WIF1: variants seen among roughly 807,000 people sequenced by gnomAD.
WIF1 encodes Wnt inhibitory factor 1.
Under a neutral mutation model 53.5 loss-of-function variants are expected in WIF1, and 35 were observed. The observed-to-expected ratio is 0.65, with a 90% CI of 0.50 to 0.87. The LOEUF is 0.87. Ranked by LOEUF, WIF1 falls within the 40% of genes least tolerant of loss-of-function variation. The probability of loss-of-function intolerance (pLI) is 0.00; values close to 1 mark genes in which losing one functional copy is unlikely to be tolerated. For missense variants in WIF1, 467 were observed against 476.8 expected (o/e 0.98, Z 0.19); for synonymous variants, 171 against 170.4 (o/e 1.00, Z -0.03).
chr12:65,097,338 A>G (rs951003361), intron 2 of WIF1, among the ~76,000 whole-genome samples: 1 of 152,178 alleles, frequency 6.6e-6, no homozygotes, highest in African/African-American at 2.4e-5. Flanking sequence ...AACAATAGAG[A>G]TATCTACCTC....
chr12:65,089,746 G>A (rs1316877394), intron 2 of WIF1, among the ~76,000 whole-genome samples: 1 of 152,094 alleles, frequency 6.6e-6, no homozygotes, highest in Non-Finnish European at 1.5e-5. Flanking sequence ...TCCAAGCTTG[G>A]ATGAAATGTC....
chr12:65,109,398 T>C (rs1369110334), intron 2 of WIF1, among the ~76,000 whole-genome samples: 6 of 152,228 alleles, frequency 3.9e-5, no homozygotes, highest in Non-Finnish European at 5.9e-5. Flanking sequence ...GTGCCCCCTC[T>C]GGACAGAGGC....
intron 1 of WIF1, 67 bp downstream of exon 1, chr12:65,120,977 C>A: frequency 7.4e-7 from 1 of 1,358,532 alleles, no homozygotes; most frequent in Non-Finnish European, 9.5e-7. Context: ...CGCAGGTATC[C>A]CTCTTTCTTG....
At chr12:65,077,515 T>G (rs1314527183) in intron 3 of WIF1, among the ~76,000 whole-genome samples, 1 of 152,176 alleles carries the variant, frequency 6.6e-6, no homozygotes, top group Non-Finnish European at 1.5e-5. Context: ...ATGAACTTAG[T>G]GTGGGCTGGG....
chr12:65,055,913 A>G (rs967602920), intron 8 of WIF1, 118 bp downstream of exon 8: 3 of 825,548 alleles, frequency 3.6e-6, no homozygotes, highest in Non-Finnish European at 5.6e-6. Flanking sequence ...ATGTCAGTGA[A>G]GAAAGGTTAA....
At chr12:65,068,551 A>G (rs532605505) in intron 4 of WIF1, among the ~76,000 whole-genome samples, 13 of 152,168 alleles carry the variant, frequency 8.5e-5, no homozygotes, top group Non-Finnish European at 1.9e-4. Flanking sequence ...AAGTGGGGTC[A>G]AGGTCAGAGG....
chr12:65,117,638 C>T (rs542682649), intron 2 of WIF1, among the ~76,000 whole-genome samples: 37 of 152,264 alleles, frequency 2.4e-4, no homozygotes, highest in African/African-American at 7.9e-4. Context: ...ATGAAATAAG[C>T]ATACAACTCA....
intron 2 of WIF1, among the ~76,000 whole-genome samples, chr12:65,090,236 G>A (rs1239917815): frequency 2.6e-5 from 4 of 152,146 alleles, no homozygotes; most frequent in East Asian, 1.9e-4. Context: ...CAATGGCCAC[G>A]AGGCTGGGGA....
chr12:65,100,987 A>T (rs1447644762), intron 2 of WIF1, among the ~76,000 whole-genome samples: 1 of 152,178 alleles, frequency 6.6e-6, no homozygotes, highest in Non-Finnish European at 1.5e-5. Flanking sequence ...AAAAGGACAC[A>T]AATCTTCTTA....
chr12:65,075,194 G>A (rs1006475760), intron 3 of WIF1, among the ~76,000 whole-genome samples: 1 of 152,170 alleles, frequency 6.6e-6, no homozygotes, highest in Admixed American at 6.5e-5. Context: ...TGACACTTAG[G>A]TCGGGAAATT....
In WIF1 at chr12:65,121,127, A is replaced by G. The variant is rs1466967496; in HGVS notation, c.65T>C (p.Leu22Pro). 7.1e-6 allele frequency: 11 copies of G among 1,549,286 alleles called. No individual in the cohort carries two copies. The Admixed American group carries it at 2.2e-4, about 30-fold the overall frequency. The change falls in exon 1 of 10, where the codon CTG becomes CCG. Residue 22 changes from leucine (L) to proline (P), a missense_variant. Transcript: ENST00000286574. ...LWLWSILLCLLALRAEAGPPQ... is the reference protein window; with the variant it reads ...LWLWSILLCLPALRAEAGPPQ... ...CGGCCCGGCCTCCGCCCGCAGTGCC[A>G]GCAGGCACAGGAGGATGCTCCAGAG... is the stretch of plus-strand genomic sequence containing the variant.
Position 65,066,699 on chromosome 12 carries a change from A to G in WIF1, c.672T>C (p.Cys224=). The change falls in exon 6 of 10, where the codon TGT becomes TGC. Residue 224 remains cysteine, a synonymous_variant. Coordinates refer to ENST00000286574, the MANE Select transcript of WIF1 (RefSeq NM_007191.5). ...GGCAGATGCAGAAACCAGGAGTCAC[A>G]CAAAGTCCACCATTCATACATCGTG... The part of the protein sequence containing the change: ...CTPRCMNGGL[C]VTPGFCICPP... 6.2e-7 allele frequency: 1 copy of G among 1,610,840 alleles called. No individual in the cohort carries two copies.
intron 2 of WIF1, among the ~76,000 whole-genome samples, chr12:65,117,602 C>A (rs1214931757): frequency 1.3e-5 from 2 of 152,156 alleles, no homozygotes; most frequent in Non-Finnish European, 2.9e-5. Flanking sequence ...CACTTTATTT[C>A]TTTTATTACT....
At chr12:65,117,502 AG>A (rs1883530582) in intron 2 of WIF1, among the ~76,000 whole-genome samples, 4 of 152,058 alleles carry the variant, frequency 2.6e-5, no homozygotes, top group Admixed American at 2.6e-4. Flanking sequence ...TTTGGGCACC[AG>A]GGACTAGTTT....
At chr12:65,119,402 GA>G (rs1219778717) in intron 2 of WIF1, among the ~76,000 whole-genome samples, 1 of 152,050 alleles carries the variant, frequency 6.6e-6, no homozygotes. Context: ...AGAAGAAAAA[GA>G]GAACAGACTT....
intron 2 of WIF1, among the ~76,000 whole-genome samples, chr12:65,119,745 GA>G (rs1378045521): frequency 4.6e-5 from 7 of 152,048 alleles, no homozygotes; most frequent in African/African-American, 1.7e-4. Context: ...TCTAAAATTA[GA>G]AGCCATAAAA....
At chr12:65,055,331 T>C in intron 8 of WIF1, 118 bp from the exon 9 acceptor site, 1 of 1,153,586 alleles carries the variant, frequency 8.7e-7, no homozygotes, top group Non-Finnish European at 1.2e-6. Context: ...TCCTCTAATT[T>C]TTTTTCCTAA....
At chr12:65,051,768 G>A (rs1323827981) in intron 9 of WIF1, among the ~76,000 whole-genome samples, 1 of 152,130 alleles carries the variant, frequency 6.6e-6, no homozygotes, top group Non-Finnish European at 1.5e-5. Context: ...TCCATCCAAG[G>A]GCTGGTAAGG....
intron 3 of WIF1, among the ~76,000 whole-genome samples, chr12:65,073,184 A>G (rs946493394): frequency 6.6e-6 from 1 of 152,196 alleles, no homozygotes; most frequent in Non-Finnish European, 1.5e-5. Context: ...CTACATCACT[A>G]GAAATATCCA....
Sources: gnomAD v4.1 joint callset for allele counts (sites outside exome capture counted in the v4.1 genomes callset) on GRCh38, gnomAD v4.1.1 for gene constraint, MANE v1.5 for transcripts, NCBI Gene and HGNC (gene_info 2026-07-23, HGNC 2026-07-21) for gene names.